NXPE1: variants seen among roughly 807,000 people sequenced by gnomAD.
NXPE1 encodes NXPE family member 1.
NXPE1 carries 31 observed loss-of-function variants against 33.3 expected under a neutral mutation model. The ratio of observed to expected loss-of-function variants is 0.93; its 90% CI spans 0.70 to 1.26. The LOEUF (loss-of-function observed/expected upper bound fraction) is 1.26, where lower values mean the gene tolerates loss of function less well. Among genes scored for constraint, NXPE1 ranks in the 50% most tolerant of loss-of-function variants. The pLI is 0.00. For missense variants in NXPE1, 661 were observed against 655.6 expected, an observed-to-expected ratio of 1.01 and a Z score of -0.09; for synonymous variants, 229 against 231.4, an observed-to-expected ratio of 0.99 and a Z score of 0.09.
At chr11:114,557,644 T>C (rs3929220) in intron 1 of NXPE1, among the ~76,000 whole-genome samples, 3 of 39,052 alleles carry the variant, frequency 7.7e-5, no homozygotes, top group East Asian at 2.2e-3. Context: ...CATATATATA[T>C]ATATATATAT....
At chr11:114,556,244 T>G (rs1948644844) in intron 1 of NXPE1, among the ~76,000 whole-genome samples, 1 of 152,210 alleles carries the variant, frequency 6.6e-6, no homozygotes, top group South Asian at 2.1e-4. Context: ...TTGAAAAGCC[T>G]GGGCTTTTTA....
chr11:114,528,684 C>T (rs1431343027), intron 6 of NXPE1: 2 of 464,402 alleles, frequency 4.3e-6, no homozygotes, highest in Non-Finnish European at 7.8e-6. Context: ...AAAGCTCTTA[C>T]TCACACTTTG....
At chr11:114,537,444 G>A (rs1181292566) in intron 5 of NXPE1, among the ~76,000 whole-genome samples, 1 of 152,154 alleles carries the variant, frequency 6.6e-6, no homozygotes, top group African/African-American at 2.4e-5. Flanking sequence ...AATGAGGCAG[G>A]AGAAGGGGAT....
intron 5 of NXPE1, among the ~76,000 whole-genome samples, chr11:114,532,512 C>T (rs1364658195): frequency 1.3e-5 from 2 of 151,848 alleles, no homozygotes; most frequent in Non-Finnish European, 2.9e-5. Context: ...CTATTTTTCC[C>T]ACCTCCACAA....
At chr11:114,533,900 A>C (rs1947687990) in intron 5 of NXPE1, among the ~76,000 whole-genome samples, 3 of 152,328 alleles carry the variant, frequency 2.0e-5, no homozygotes, top group Non-Finnish European at 2.9e-5. Flanking sequence ...ACCTCTGCAG[A>C]CTTAAATGTC....
chr11:114,559,143 C>A (rs1351155225), intron 1 of NXPE1, among the ~76,000 whole-genome samples: 2 of 152,154 alleles, frequency 1.3e-5, no homozygotes, highest in Non-Finnish European at 2.9e-5. Flanking sequence ...CATGGATACA[C>A]ACATACTCAA....
chr11:114,523,824 C>T (rs1407648929), intron 7 of NXPE1, among the ~76,000 whole-genome samples: 2 of 152,190 alleles, frequency 1.3e-5, no homozygotes, highest in African/African-American at 4.8e-5. Flanking sequence ...CATCACTGAG[C>T]CAATGCCTTG....
At chr11:114,526,208 C>T (rs543654022) in intron 7 of NXPE1, among the ~76,000 whole-genome samples, 2 of 152,316 alleles carry the variant, frequency 1.3e-5, no homozygotes, top group African/African-American at 2.4e-5. Flanking sequence ...CAGGAAGGAA[C>T]ATGCTCCTGC....
rs188524699 is a variant in NXPE1 at position 114,542,883 on chromosome 11, C to T, written c.99+8220G>A. On this transcript the variant is annotated intron_variant, in intron 5 of 8. Coordinates refer to ENST00000534921, the Ensembl canonical transcript of NXPE1. ...AAGACATGAATATATATGATTATAA[C>T]ACAAAACAATATGTCATACTGACAC... Among the ~76,000 whole-genome samples, 583 of 152,206 alleles carry T rather than the reference C, an allele frequency of 3.8e-3. 5 individuals are homozygous for T. Among genetic ancestry groups the T allele is most frequent in the African/African-American group, 0.013 (529 of 41,528 alleles).
At chr11:114,536,759 A>G (rs1436327734) in intron 5 of NXPE1, among the ~76,000 whole-genome samples, 1 of 152,356 alleles carries the variant, frequency 6.6e-6, no homozygotes, top group Non-Finnish European at 1.5e-5. Flanking sequence ...GAATAGACCA[A>G]TAACAGGCTC....
chr11:114,539,581 T>A (rs747816306), intron 5 of NXPE1, among the ~76,000 whole-genome samples: 6 of 152,314 alleles, frequency 3.9e-5, no homozygotes, highest in Admixed American at 6.5e-5. Flanking sequence ...AAGTTGTTAA[T>A]TCTCTCTCAA....
At chr11:114,542,901 A>G (rs544608056) in intron 5 of NXPE1, among the ~76,000 whole-genome samples, 1 of 152,332 alleles carries the variant, frequency 6.6e-6, no homozygotes. Flanking sequence ...AATATGTCAT[A>G]CTGACACCAA....
rs189487466 is a variant in NXPE1, at chr11:114,537,084, G to T, written c.100-6176C>A. ...ACACATCAAAAAGCTTATCCACCGT[G>T]ATCAAATGGTCTTCAACCCTGGGAT... On this transcript the variant is annotated intron_variant, in intron 5 of 8. Coordinates refer to ENST00000534921, the Ensembl canonical transcript of NXPE1. Among the ~76,000 whole-genome samples, 590 of 152,310 alleles carry T rather than the reference G, an allele frequency of 3.9e-3. 5 individuals carry two copies. The highest frequency in any genetic ancestry group is 0.013 in the African/African-American group (535 of 41,558).
intron 5 of NXPE1, among the ~76,000 whole-genome samples, chr11:114,540,085 A>T (rs1948031415): frequency 6.6e-6 from 1 of 152,216 alleles, no homozygotes; most frequent in African/African-American, 2.4e-5. Flanking sequence ...CCGCCTGAAT[A>T]GCTGGGATTA....
At chr11:114,535,960 C>A (rs1240024812) in intron 5 of NXPE1, among the ~76,000 whole-genome samples, 1 of 152,164 alleles carries the variant, frequency 6.6e-6, no homozygotes, top group Non-Finnish European at 1.5e-5. Flanking sequence ...ACTCTCCACC[C>A]CAAATCAACA....
chr11:114,529,121 T>C (rs1947477077), intron 6 of NXPE1: 1 of 282,414 alleles, frequency 3.5e-6, no homozygotes, highest in Admixed American at 5.1e-5. Context: ...TAAACTTGAC[T>C]TTGAAAACTG....
At chr11:114,544,716 TAA>T (rs539852288) in intron 5 of NXPE1, among the ~76,000 whole-genome samples, 183 of 152,216 alleles carry the variant, frequency 1.2e-3, no homozygotes, top group African/African-American at 3.7e-3. Context: ...GAAAAACTGA[TAA>T]GTTAGATTTT....
chr11:114,536,417 A>G (rs911269940), intron 5 of NXPE1, among the ~76,000 whole-genome samples: 27 of 152,228 alleles, frequency 1.8e-4, no homozygotes, highest in African/African-American at 6.5e-4. Context: ...GCAGAAGGCA[A>G]GAAATAACTA....
chr11:114,547,772 T>C (rs1161486819), intron 5 of NXPE1, among the ~76,000 whole-genome samples: 1 of 151,976 alleles, frequency 6.6e-6, no homozygotes, highest in Non-Finnish European at 1.5e-5. Context: ...GCACCCTGGA[T>C]GGGATTGTGG....
Sources: allele counts gnomAD v4.1 joint callset (sites outside exome capture counted in the v4.1 genomes callset), GRCh38; gene constraint gnomAD v4.1.1; transcripts MANE v1.5; gene names NCBI Gene and HGNC (gene_info 2026-07-23, HGNC 2026-07-21).